SIM1: variants seen among roughly 807,000 people sequenced by gnomAD.
SIM1 encodes single-minded homolog 1.
Under a neutral mutation model 78.2 loss-of-function variants are expected in SIM1, and 18 were observed. The ratio of observed to expected loss-of-function variants is 0.23; its 90% CI spans 0.16 to 0.34. SIM1 has a LOEUF of 0.34. Among genes scored for constraint, SIM1 ranks in the 10% least tolerant of loss-of-function variants. The pLI, the probability that SIM1 is intolerant of heterozygous loss-of-function variation, is 1.00. For missense variants in SIM1, 939 were observed against 975.1 expected (o/e 0.96, Z 0.49); for synonymous variants, 417 against 385.2 (o/e 1.08, Z -0.97).
chr6:100,449,241 C>T, intron 6 of SIM1, 122 bp downstream of exon 6: 2 of 757,988 alleles, frequency 2.6e-6, no homozygotes, highest in Non-Finnish European at 4.5e-6. Context: ...TGCGGCTCTT[C>T]GACGCAAGCT....
rs758307185 is a variant in SIM1 at position 100,450,397 on chromosome 6, C to G, written c.259-41G>C. On this transcript the variant is annotated intron_variant, in intron 3 of 11. Coordinates refer to ENST00000369208, the MANE Select transcript of SIM1 (RefSeq NM_005068.3). ...TAGAGAGAATAGAGAGCCCTCTGGG[C>G]CATCTGGAGAAATGGGAGCAGGAGG... 7 of 1,566,494 alleles carry G rather than the reference C, an allele frequency of 4.5e-6. No individual in the cohort carries two copies. In the Admixed American group the frequency reaches 6.7e-5, roughly 15 times the overall value.
intron 3 of SIM1, among the ~76,000 whole-genome samples, chr6:100,452,252 G>T (rs181562675): frequency 4.6e-5 from 7 of 152,112 alleles, no homozygotes; most frequent in Non-Finnish European, 8.8e-5. Flanking sequence ...ATTTTAAAAG[G>T]CACTACTCTT....
At chr6:100,463,000 C>T (rs1772893197) in intron 2 of SIM1, 1 of 314,950 alleles carries the variant, frequency 3.2e-6, no homozygotes, top group Non-Finnish European at 5.8e-6. Context: ...GTAGTACTTT[C>T]AATTGAGCCT....
chr6:100,454,434 C>G (rs1772593922), intron 2 of SIM1, among the ~76,000 whole-genome samples: 1 of 152,138 alleles, frequency 6.6e-6, no homozygotes, highest in African/African-American at 2.4e-5. Context: ...TGACGTTTAC[C>G]AGCATCCCTG....
rs1329832334 is a variant in SIM1 at position 100,422,214 on chromosome 6, T to C, written c.999-1256A>G. On this transcript the variant is annotated intron_variant, in intron 9 of 11. Transcript: ENST00000369208. Reference sequence around the variant, plus strand: ...AGAAGCATATAAAACCTGATAATTTTTTTTTTAAGAGAAGTGTCTCACTCT... The same window carrying C: ...AGAAGCATATAAAACCTGATAATTTCTTTTTTAAGAGAAGTGTCTCACTCT... Among the ~76,000 whole-genome samples the C allele has an allele frequency of 9.7e-4, 147 of 152,318 alleles. 1 individual carries two copies. Among genetic ancestry groups the C allele is most frequent in the Non-Finnish European group, 1.3e-4 (9 of 68,024 alleles).
chr6:100,418,547 G>A (rs976804674), intron 10 of SIM1, among the ~76,000 whole-genome samples: 1 of 152,060 alleles, frequency 6.6e-6, no homozygotes, highest in Non-Finnish European at 1.5e-5. Context: ...TTAGCATCCT[G>A]TTAGAGTGAA....
chr6:100,413,601 A>G (rs1184144260), intron 10 of SIM1, among the ~76,000 whole-genome samples: 1 of 152,180 alleles, frequency 6.6e-6, no homozygotes, highest in African/African-American at 2.4e-5. Flanking sequence ...AATTCTCACT[A>G]TTAGGAATGC....
chr6:100,447,612 C>T (rs536664053), intron 8 of SIM1, among the ~76,000 whole-genome samples, 197 bp from the exon 9 acceptor site: 1 of 152,322 alleles, frequency 6.6e-6, no homozygotes, highest in South Asian at 2.1e-4. Flanking sequence ...CTCCGGTCAC[C>T]CTTCTAGGGA....
At chr6:100,430,566 T>A (rs1771874436) in intron 9 of SIM1, among the ~76,000 whole-genome samples, 1 of 152,136 alleles carries the variant, frequency 6.6e-6, no homozygotes, top group Non-Finnish European at 1.5e-5. Context: ...GGAAATAAAA[T>A]ACACATATGT....
At position 100,398,719 on chromosome 6, in the gene SIM1, C is replaced by T. The variant is rs973552455; in HGVS notation, c.1168-4830G>A. Among the ~76,000 whole-genome samples, 8 of 152,008 alleles carry T rather than the reference C, an allele frequency of 5.3e-5. No individual in the cohort carries two copies. In the East Asian group the frequency reaches 1.2e-3, roughly 22 times the overall value. On this transcript the variant is annotated intron_variant, in intron 10 of 11. Transcript: ENST00000369208. ...CTTCTACCTTTTGACTATGAAGCTACGATGAACATGGGTGTACAAATATGT... is the reference window on the plus strand; with the variant it reads ...CTTCTACCTTTTGACTATGAAGCTATGATGAACATGGGTGTACAAATATGT...
rs185895717 is a variant in SIM1 at position 100,443,572 on chromosome 6, T to C, written c.998+3696A>G. Reference sequence around the variant, plus strand: ...AAATATCATCTATCCATCAGCCTAATTGAGATCATACACCAATGAGTACTT... The same window carrying C: ...AAATATCATCTATCCATCAGCCTAACTGAGATCATACACCAATGAGTACTT... On this transcript the variant is annotated intron_variant, in intron 9 of 11. Transcript: ENST00000369208. Among the ~76,000 whole-genome samples, 410 of 152,204 alleles carry C rather than the reference T, an allele frequency of 2.7e-3. 3 individuals carry two copies. The highest frequency in any genetic ancestry group is 9.3e-3 in the African/African-American group (386 of 41,568).
At chr6:100,431,238 A>G (rs1582301180) in intron 9 of SIM1, among the ~76,000 whole-genome samples, 2 of 152,308 alleles carry the variant, frequency 1.3e-5, no homozygotes, top group East Asian at 3.9e-4. Flanking sequence ...TTTATTCTTG[A>G]TTAAACCTCT....
chr6:100,390,924 TCTC>T lies in SIM1; in HGVS notation c.1735_1737del (p.Glu579del), dbSNP rs1554218974. 1.2e-6 allele frequency: 2 copies of T among 1,614,010 alleles called. No homozygotes were observed. Among genetic ancestry groups the T allele is most frequent in the Non-Finnish European group, 1.7e-6 (2 of 1,180,044 alleles). The stretch of plus-strand genomic sequence containing the variant: ...GGGGCTTTCCTTAGCTGTAATCTGT[TCTC>T]TTCTTCTTTAATCATTTGCTGAGTG... On this transcript the variant is annotated inframe_deletion, in exon 12 of 12. Transcript: ENST00000369208.
chr6:100,437,322 A>G (rs1332675295), intron 9 of SIM1: 1 of 152,222 alleles, frequency 6.6e-6, no homozygotes, highest in Non-Finnish European at 1.5e-5. Flanking sequence ...CAACAGGATT[A>G]TAATATCAAA....
At chr6:100,394,546 C>G (rs965854541) in intron 10 of SIM1, among the ~76,000 whole-genome samples, 6 of 152,230 alleles carry the variant, frequency 3.9e-5, no homozygotes, top group African/African-American at 1.4e-4. Context: ...GGTGAGATCA[C>G]AGGTGTGCAA....
chr6:100,401,584 T>G (rs1287241965), intron 10 of SIM1, among the ~76,000 whole-genome samples: 1 of 151,292 alleles, frequency 6.6e-6, no homozygotes, highest in East Asian at 1.9e-4. Context: ...AAATAAATAA[T>G]AATGAGGGCA....
chr6:100,458,595 G>C (rs1194152487), intron 2 of SIM1, among the ~76,000 whole-genome samples: 3 of 152,242 alleles, frequency 2.0e-5, no homozygotes, highest in Admixed American at 6.5e-5. Context: ...GGCCTGGGGA[G>C]TAAGGAGACT....
At position 100,390,516 on chromosome 6, in the gene SIM1, A is replaced by G; in HGVS notation, c.2146T>C (p.Tyr716His). Residue 716 changes from tyrosine (Y) to histidine (H), a missense_variant, in exon 12 of 12, where the codon TAT (tyrosine) becomes CAT (histidine). By Grantham distance (83) the Tyr-to-His change is moderately conservative (BLOSUM62 2). Transcript: ENST00000369208. ...CTGTCATATAAGTGCTCCAGGGCAT[A>G]TCCAGTTAATGTGTAAGCATGCTTG... is the stretch of plus-strand genomic sequence containing the variant. ...FDKHAYTLTG[Y>H]ALEHLYDSET... 1 of 1,614,172 alleles carries G rather than the reference A, an allele frequency of 6.2e-7. No individual in the cohort carries two copies. The highest frequency in any genetic ancestry group is 8.5e-7 in the Non-Finnish European group (1 of 1,180,030).
rs1287829615 is a variant in SIM1, at chr6:100,386,083, T to C, written c.*4278A>G. On this transcript the variant is annotated 3_prime_UTR_variant, in exon 12 of 12. Coordinates refer to ENST00000369208, the MANE Select transcript of SIM1 (RefSeq NM_005068.3). Reference sequence around the variant, plus strand: ...GACATAAATCCCTATTCACAAAAACTTGACATTTACATAAACGTTGAATCA... The same window carrying C: ...GACATAAATCCCTATTCACAAAAACCTGACATTTACATAAACGTTGAATCA... 2 of 152,054 alleles carry C rather than the reference T, an allele frequency of 1.3e-5. No homozygotes were observed. Among genetic ancestry groups the C allele is most frequent in the Admixed American group, 6.6e-5 (1 of 15,262 alleles). 9.4% of individuals were successfully genotyped at this position (152,054 alleles called of 1,614,324 possible). A position where few individuals can be genotyped will look rare whatever the true frequency, so the allele number is the denominator to read the frequency against.
Sources: allele counts gnomAD v4.1 joint callset (sites outside exome capture counted in the v4.1 genomes callset), GRCh38; gene constraint gnomAD v4.1.1; transcripts MANE v1.5; gene names NCBI Gene and HGNC (gene_info 2026-07-23, HGNC 2026-07-21).